LRRC4C: variants seen among roughly 807,000 people sequenced by gnomAD.
LRRC4C encodes the protein leucine-rich repeat-containing protein 4C.
In LRRC4C, 5 loss-of-function variants were observed where a neutral mutation model predicts 33.6. The ratio of observed to expected loss-of-function variants is 0.15; its 90% CI spans 0.08 to 0.31. The LOEUF is 0.31. Among genes scored for constraint, LRRC4C ranks in the 10% least tolerant of loss-of-function variants. The pLI is 1.00. For missense variants in LRRC4C, 560 were observed against 796.7 expected, an observed-to-expected ratio of 0.70 and a Z score of 3.58; for synonymous variants, 329 against 302.0, an observed-to-expected ratio of 1.09 and a Z score of -0.93.
chr11:40,616,852 T>C (rs1213191359), intron 3 of LRRC4C, among the ~76,000 whole-genome samples: 3 of 150,786 alleles, frequency 2.0e-5, no homozygotes, highest in Admixed American at 6.6e-5. Flanking sequence ...ATGGCACATG[T>C]ATACATATGT....
chr11:40,448,412 C>G (rs535775378), intron 3 of LRRC4C, among the ~76,000 whole-genome samples: 1 of 152,032 alleles, frequency 6.6e-6, no homozygotes, highest in Non-Finnish European at 1.5e-5. Flanking sequence ...CTCCCCACCC[C>G]CCGACAGGCC....
At chr11:40,360,903 A>G (rs1292224934) in intron 3 of LRRC4C, among the ~76,000 whole-genome samples, 1 of 152,188 alleles carries the variant, frequency 6.6e-6, no homozygotes, top group Non-Finnish European at 1.5e-5. Context: ...ATTAACCATG[A>G]TAAAATAGGC....
chr11:40,202,175 A>T (rs557725731), intron 5 of LRRC4C, among the ~76,000 whole-genome samples: 7 of 145,784 alleles, frequency 4.8e-5, no homozygotes, highest in African/African-American at 1.3e-4. Context: ...TCAGTAAAGC[A>T]TAGGGACAGG....
chr11:41,288,523 C>T (rs536337572), intron 1 of LRRC4C, among the ~76,000 whole-genome samples: 27 of 152,252 alleles, frequency 1.8e-4, no homozygotes, highest in African/African-American at 6.3e-4. Context: ...ACTATTATTA[C>T]TGTAAAGTAC....
intron 3 of LRRC4C, among the ~76,000 whole-genome samples, chr11:40,323,104 A>G (rs1469257146): frequency 7.2e-5 from 11 of 152,210 alleles, no homozygotes; most frequent in Admixed American, 7.2e-4. Context: ...TTGGAAATGG[A>G]TCTTTTTGCT....
intron 3 of LRRC4C, among the ~76,000 whole-genome samples, chr11:40,391,396 A>G (rs1219550614): frequency 6.6e-6 from 1 of 152,194 alleles, no homozygotes. Context: ...TAATCTCTGT[A>G]ATAACAGCTC....
At chr11:40,918,509 T>A (rs76807583) in intron 2 of LRRC4C, among the ~76,000 whole-genome samples, 3,267 of 152,150 alleles carry the variant, frequency 0.021, 119 homozygotes, top group African/African-American at 0.068. Context: ...TTGCCAGGTG[T>A]CTACTAGATG....
chr11:40,213,371 T>C (rs1240541779), intron 5 of LRRC4C, among the ~76,000 whole-genome samples: 1 of 152,188 alleles, frequency 6.6e-6, no homozygotes, highest in African/African-American at 2.4e-5. Flanking sequence ...GGATATGTTG[T>C]GTGACCATCA....
At chr11:40,784,904 GA>G (rs1043563392) in intron 2 of LRRC4C, among the ~76,000 whole-genome samples, 21 of 151,716 alleles carry the variant, frequency 1.4e-4, no homozygotes, top group South Asian at 4.2e-4. Context: ...AAAGAAAGAA[GA>G]AAAAAAGTAT....
intron 3 of LRRC4C, among the ~76,000 whole-genome samples, chr11:40,325,387 C>G (rs773040144): frequency 1.3e-5 from 2 of 152,172 alleles, no homozygotes; most frequent in Non-Finnish European, 2.9e-5. Flanking sequence ...AACCTCAGCA[C>G]TTTGGTAGGC....
chr11:40,761,011 A>C (rs2137070806), intron 2 of LRRC4C, among the ~76,000 whole-genome samples: 1 of 151,672 alleles, frequency 6.6e-6, no homozygotes, highest in South Asian at 2.1e-4. Flanking sequence ...GGAAGCACAG[A>C]TAATCAAGAC....
At chr11:41,212,825 T>C in intron 1 of LRRC4C, among the ~76,000 whole-genome samples, 1 of 152,212 alleles carries the variant, frequency 6.6e-6, no homozygotes, top group East Asian at 1.9e-4. Context: ...CCATGGTGTA[T>C]ATATGTGCCA....
intron 2 of LRRC4C, among the ~76,000 whole-genome samples, chr11:40,688,237 G>A (rs964042406): frequency 1.3e-5 from 2 of 152,128 alleles, no homozygotes; most frequent in Non-Finnish European, 1.5e-5. Flanking sequence ...GCAGTTAGGT[G>A]TGTGGAACTG....
At chr11:40,149,580 T>C (rs1181644605) in intron 5 of LRRC4C, among the ~76,000 whole-genome samples, 1 of 152,118 alleles carries the variant, frequency 6.6e-6, no homozygotes, top group African/African-American at 2.4e-5. Flanking sequence ...TTAAGGAGCT[T>C]TGGGGCTAAG....
chr11:40,193,355 A>T (rs1862002868), intron 5 of LRRC4C, among the ~76,000 whole-genome samples: 1 of 152,222 alleles, frequency 6.6e-6, no homozygotes, highest in Admixed American at 6.5e-5. Context: ...GACCTGCAGA[A>T]GAGGGGCCTG....
At chr11:40,915,347 G>C (rs1306797435) in intron 2 of LRRC4C, among the ~76,000 whole-genome samples, 3 of 151,996 alleles carry the variant, frequency 2.0e-5, no homozygotes, top group Non-Finnish European at 4.4e-5. Flanking sequence ...CCAAAACAGA[G>C]ATATAGATCA....
At chr11:40,605,350 T>C (rs1019081264) in intron 3 of LRRC4C, among the ~76,000 whole-genome samples, 1 of 152,090 alleles carries the variant, frequency 6.6e-6, no homozygotes, top group African/African-American at 2.4e-5. Context: ...ATAAGGGAGA[T>C]TGATGTCAGT....
At chr11:41,455,938 C>G (rs563483830) in intron 1 of LRRC4C, among the ~76,000 whole-genome samples, 2 of 152,128 alleles carry the variant, frequency 1.3e-5, no homozygotes, top group African/African-American at 4.8e-5. Context: ...CCCATTTTAT[C>G]TGTGACTGCT....
At chr11:41,028,320 A>G (rs944442381) in intron 1 of LRRC4C, among the ~76,000 whole-genome samples, 12 of 151,710 alleles carry the variant, frequency 7.9e-5, no homozygotes, top group African/African-American at 2.9e-4. Flanking sequence ...AAGGTCTTGA[A>G]AAGTTTGGTT....
Sources: gnomAD v4.1 joint callset for allele counts (sites outside exome capture counted in the v4.1 genomes callset) on GRCh38, gnomAD v4.1.1 for gene constraint, MANE v1.5 for transcripts, NCBI Gene and HGNC (gene_info 2026-07-23, HGNC 2026-07-21) for gene names.